The following CHST8 variants were observed in gnomAD, a reference collection of about 807,000 sequenced individuals.
CHST8 encodes the protein carbohydrate sulfotransferase 8, also known as GALNAC-4-ST1.
CHST8 carries 10 observed loss-of-function variants against 15.0 expected under a neutral mutation model. The observed-to-expected ratio is 0.67, with a 90% CI of 0.41 to 1.13. The LOEUF is 1.13. Ranked by LOEUF, CHST8 falls within the 50% of genes most tolerant of loss-of-function variation. The pLI is 0.00. For missense variants in CHST8, 634 were observed against 608.2 expected (o/e 1.04, Z -0.45); for synonymous variants, 259 against 256.6 (o/e 1.01, Z -0.09).
At position 33,631,493 on chromosome 19, in the gene CHST8, C is replaced by T. The variant is rs531609368; in HGVS notation, c.-164+9197C>T. ...GTCATCACTACCTTGCCATCCCTCG[C>T]GACAGCCACTCACACGCCTCTTTCT... On this transcript the variant is annotated intron_variant, in intron 1 of 4. Coordinates refer to ENST00000650847, the MANE Select transcript of CHST8 (RefSeq NM_001127895.2). 2.6e-5 allele frequency among the ~76,000 whole-genome samples: 4 copies of T among 152,224 alleles called. No individual in the cohort carries two copies. The East Asian group carries it at 5.8e-4, about 22-fold the overall frequency.
At chr19:33,747,281 G>T (rs561620902) in intron 3 of CHST8, among the ~76,000 whole-genome samples, 1 of 152,204 alleles carries the variant, frequency 6.6e-6, no homozygotes, top group South Asian at 2.1e-4. Context: ...CAGTTAGTGG[G>T]GACAGCTAAT....
Position 33,637,411 on chromosome 19 carries a change from T to TTG in CHST8, c.-164+15116_-164+15117insGT, listed in dbSNP as rs547786766. ...TAAAGAAAGGTTCGCTTTCTTTTTT[T>TTG]TTTTTTTTTGAGACGGAGTCTCGCT... On this transcript the variant is annotated intron_variant, in intron 1 of 4. Coordinates refer to ENST00000650847, the MANE Select transcript of CHST8 (RefSeq NM_001127895.2). Among the ~76,000 whole-genome samples, 45 of 151,368 alleles carry TTG rather than the reference T, an allele frequency of 3.0e-4. 1 individual carries two copies. The South Asian group carries it at 8.4e-3, about 28-fold the overall frequency.
At chr19:33,746,221 A>G (rs1003215154) in intron 3 of CHST8, among the ~76,000 whole-genome samples, 51 of 152,208 alleles carry the variant, frequency 3.4e-4, no homozygotes, top group African/African-American at 1.2e-3. Flanking sequence ...TTTTTTATCA[A>G]TTTGATTGAG....
intron 3 of CHST8, among the ~76,000 whole-genome samples, chr19:33,762,224 G>T (rs1974746822): frequency 6.6e-6 from 1 of 152,204 alleles, no homozygotes; most frequent in East Asian, 1.9e-4. Flanking sequence ...CAGGAGCTGA[G>T]GATCTCTCCC....
At chr19:33,719,538 A>G (rs1973737652) in intron 3 of CHST8, among the ~76,000 whole-genome samples, 1 of 152,048 alleles carries the variant, frequency 6.6e-6, no homozygotes, top group Non-Finnish European at 1.5e-5. Context: ...AGTGGCAACC[A>G]TCCCTGGAGG....
chr19:33,648,902 CTTTT>C (rs376386370), intron 1 of CHST8, among the ~76,000 whole-genome samples: 2 of 100,000 alleles, frequency 2.0e-5, no homozygotes, highest in South Asian at 3.2e-4. Flanking sequence ...GAATGAAGCA[CTTTT>C]TTTTTTTTTT....
chr19:33,736,186 C>A (rs1337750706), intron 3 of CHST8, among the ~76,000 whole-genome samples: 1 of 152,170 alleles, frequency 6.6e-6, no homozygotes, highest in East Asian at 1.9e-4. Context: ...AGAAAGGAGG[C>A]CAGGGGATAG....
At chr19:33,730,788 G>A (rs1973979982) in intron 3 of CHST8, among the ~76,000 whole-genome samples, 1 of 152,232 alleles carries the variant, frequency 6.6e-6, no homozygotes, top group African/African-American at 2.4e-5. Flanking sequence ...AAGGAAGCCA[G>A]TCTGAGTCCC....
At chr19:33,667,286 C>G (rs576045698) in intron 1 of CHST8, among the ~76,000 whole-genome samples, 1 of 152,186 alleles carries the variant, frequency 6.6e-6, no homozygotes. Context: ...GGAGAAATAA[C>G]GTAGGAGAAA....
At chr19:33,694,259 T>TA (rs930470158) in intron 3 of CHST8, among the ~76,000 whole-genome samples, 3 of 142,454 alleles carry the variant, frequency 2.1e-5, no homozygotes, top group African/African-American at 7.9e-5. Context: ...ACACTGTAAA[T>TA]AGTTCGTTCT....
intron 3 of CHST8, among the ~76,000 whole-genome samples, chr19:33,734,517 GAC>G (rs1046843083): frequency 2.6e-5 from 4 of 152,194 alleles, no homozygotes; most frequent in Non-Finnish European, 4.4e-5. Flanking sequence ...CACACTGTGT[GAC>G]ACAGTGGTGC....
chr19:33,681,059 T>C (rs1013064396), intron 2 of CHST8, among the ~76,000 whole-genome samples: 1 of 152,154 alleles, frequency 6.6e-6, no homozygotes, highest in East Asian at 1.9e-4. Context: ...ATAGAGAACA[T>C]TTCCTTCCCC....
chr19:33,682,179 T>C (rs1972900473), intron 2 of CHST8, among the ~76,000 whole-genome samples: 1 of 144,588 alleles, frequency 6.9e-6, no homozygotes, highest in Admixed American at 6.8e-5. Flanking sequence ...GTTGTGGTTT[T>C]TGTTGTTGTT....
At chr19:33,727,028 G>C (rs1309997243) in intron 3 of CHST8, among the ~76,000 whole-genome samples, 1 of 151,860 alleles carries the variant, frequency 6.6e-6, no homozygotes, top group African/African-American at 2.4e-5. Flanking sequence ...GCTGATGCCT[G>C]ATCCTGAGCC....
At chr19:33,689,477 G>A in intron 3 of CHST8, 86 bp downstream of exon 3, 1 of 1,406,322 alleles carries the variant, frequency 7.1e-7, no homozygotes, top group South Asian at 1.5e-5. Context: ...TGGTGTGCTG[G>A]GCTTGGGGGA....
chr19:33,673,234 C>T (rs899331045), intron 2 of CHST8, among the ~76,000 whole-genome samples: 2 of 152,290 alleles, frequency 1.3e-5, no homozygotes, highest in Non-Finnish European at 2.9e-5. Context: ...GAGCATGACT[C>T]CTTCTGAGGA....
intron 3 of CHST8, among the ~76,000 whole-genome samples, chr19:33,702,061 G>A (rs948835816): frequency 2.0e-5 from 3 of 151,596 alleles, no homozygotes; most frequent in South Asian, 2.1e-4. Flanking sequence ...TGCAACTTCC[G>A]CCTCCCAAGT....
chr19:33,623,470 T>C (rs931805553), intron 1 of CHST8, among the ~76,000 whole-genome samples: 8 of 152,192 alleles, frequency 5.3e-5, no homozygotes, highest in Non-Finnish European at 1.0e-4. Context: ...AGGTAGTAGC[T>C]GCTTTGGAGT....
intron 2 of CHST8, among the ~76,000 whole-genome samples, chr19:33,686,456 G>A (rs923417594): frequency 2.6e-4 from 39 of 152,292 alleles, no homozygotes; most frequent in African/African-American, 8.9e-4. Flanking sequence ...GAGACAGACT[G>A]GGGAGAAGAG....
Sources: gnomAD v4.1 joint callset for allele counts (sites outside exome capture counted in the v4.1 genomes callset) on GRCh38, gnomAD v4.1.1 for gene constraint, MANE v1.5 for transcripts, NCBI Gene and HGNC (gene_info 2026-07-23, HGNC 2026-07-21) for gene names.